Variants in LTBP1 observed in about 807,000 individuals in gnomAD.
LTBP1 encodes the protein latent-transforming growth factor beta-binding protein 1.
LTBP1 carries 129 observed loss-of-function variants against 207.6 expected under a neutral mutation model. The ratio of observed to expected loss-of-function variants is 0.62; its 90% CI spans 0.54 to 0.72. The LOEUF (loss-of-function observed/expected upper bound fraction) is 0.72, where lower values mean the gene tolerates loss of function less well. LTBP1 is among the 30% of genes least tolerant of loss of function. The pLI, the probability that LTBP1 is intolerant of heterozygous loss-of-function variation, is 0.00. For missense variants in LTBP1, 2,281 were observed against 2,217.2 expected, an observed-to-expected ratio of 1.03 and a Z score of -0.58; for synonymous variants, 963 against 833.7, an observed-to-expected ratio of 1.16 and a Z score of -2.67.
chr2:33,180,672 T>C (rs557960153), intron 5 of LTBP1, among the ~76,000 whole-genome samples: 1 of 152,192 alleles, frequency 6.6e-6, no homozygotes, highest in Admixed American at 6.5e-5. Context: ...ACCAGGCTGG[T>C]CTTGAACTCC....
At chr2:33,327,275 A>G (rs1439051821) in intron 24 of LTBP1, among the ~76,000 whole-genome samples, 2 of 152,202 alleles carry the variant, frequency 1.3e-5, no homozygotes, top group Non-Finnish European at 2.9e-5. Flanking sequence ...TCCGTCTTCT[A>G]TCATTTTTTA....
chr2:33,052,631 T>G (rs2076801190), intron 3 of LTBP1, among the ~76,000 whole-genome samples: 1 of 152,210 alleles, frequency 6.6e-6, no homozygotes, highest in Non-Finnish European at 1.5e-5. Flanking sequence ...AAGAAGAAAG[T>G]GTGATCCTAA....
At chr2:33,061,625 G>T (rs143669819) in intron 3 of LTBP1, among the ~76,000 whole-genome samples, 1 of 152,048 alleles carries the variant, frequency 6.6e-6, no homozygotes, top group Non-Finnish European at 1.5e-5. Context: ...TAATACTGTC[G>T]CGTGAATAAG....
chr2:33,293,242 C>T lies in LTBP1; in HGVS notation c.3195C>T (p.His1065=). 6.2e-7 allele frequency: 1 copy of T among 1,614,064 alleles called. No individual in the cohort carries two copies. Among genetic ancestry groups the T allele is most frequent in the African/African-American group, 1.3e-5 (1 of 75,054 alleles). ...NLEGSYMCSC[H]KGYTRTPDHK... ...AAGGCTCCTACATGTGTTCATGCCACAAAGGCTATACCCGGACTCCGGACC... is the reference window on the plus strand; with the variant it reads ...AAGGCTCCTACATGTGTTCATGCCATAAAGGCTATACCCGGACTCCGGACC... Residue 1065 remains histidine, a synonymous_variant, in exon 20 of 34, where the codon CAC becomes CAT. Transcript: ENST00000404816.
At position 33,397,248 on chromosome 2, in the gene LTBP1, G is replaced by A. The variant is rs767996077; in HGVS notation, c.4950G>A (p.Gly1650=). Residue 1650 remains glycine (G), a synonymous_variant, in exon 33 of 34, where the codon GGG becomes GGA. Coordinates refer to ENST00000404816, the MANE Select transcript of LTBP1 (RefSeq NM_206943.4). ...QEGYTCDCFD[G]YHLDTAKMTC... is the part of the protein sequence containing the mutation. ...GTTACACCTGCGATTGCTTTGATGG[G>A]TATCACTTGGATACGGCCAAGATGA... 3.7e-6 allele frequency: 6 copies of A among 1,614,068 alleles called. No individual in the cohort carries two copies. The highest frequency in any genetic ancestry group is 4.2e-6 in the Non-Finnish European group (5 of 1,179,980).
chr2:33,193,982 T>TTTTA (rs1269670789), intron 7 of LTBP1, among the ~76,000 whole-genome samples: 2 of 147,288 alleles, frequency 1.4e-5, no homozygotes, highest in East Asian at 4.0e-4. Context: ...CTTTATTTAT[T>TTTTA]TTTATTTATT....
intron 3 of LTBP1, among the ~76,000 whole-genome samples, chr2:33,098,088 C>T (rs547494689): frequency 8.5e-4 from 129 of 152,264 alleles, no homozygotes; most frequent in Non-Finnish European, 6.0e-4. Flanking sequence ...ACTTCTCCCC[C>T]GACTTTATAT....
intron 31 of LTBP1, among the ~76,000 whole-genome samples, chr2:33,384,243 T>C (rs989631250): frequency 3.9e-5 from 6 of 152,242 alleles, no homozygotes; most frequent in African/African-American, 1.4e-4. Context: ...GCATTTGTCA[T>C]ATGAATCAGC....
At chr2:33,327,537 A>G (rs1016859386) in intron 24 of LTBP1, among the ~76,000 whole-genome samples, 21 of 152,098 alleles carry the variant, frequency 1.4e-4, no homozygotes, top group African/African-American at 4.6e-4. Context: ...AGTAAATTAC[A>G]TATGTTTCTT....
intron 2 of LTBP1, among the ~76,000 whole-genome samples, chr2:32,993,969 A>AGTGAGTGT (rs371128277): frequency 9.4e-5 from 13 of 138,382 alleles, no homozygotes; most frequent in Admixed American, 9.2e-4. Context: ...CAGTTAGGGG[A>AGTGAGTGT]GTGTGTGTGT....
chr2:33,244,320 A>G (rs949054360), intron 10 of LTBP1, among the ~76,000 whole-genome samples: 9 of 152,326 alleles, frequency 5.9e-5, no homozygotes, highest in African/African-American at 2.2e-4. Flanking sequence ...TCCTAATTTC[A>G]GATATTGTCT....
chr2:32,952,969 T>C (rs1439152097), intron 2 of LTBP1, among the ~76,000 whole-genome samples: 2 of 152,222 alleles, frequency 1.3e-5, no homozygotes, highest in African/African-American at 2.4e-5. Context: ...ATGTGCCAGG[T>C]TCTATGAATA....
At chr2:33,150,564 C>T (rs1309664912) in intron 5 of LTBP1, among the ~76,000 whole-genome samples, 1 of 151,796 alleles carries the variant, frequency 6.6e-6, no homozygotes, top group Admixed American at 6.6e-5. Context: ...AAAAATTCCC[C>T]ATTCCTTTCT....
At chr2:33,341,963 T>C (rs1232008389) in intron 24 of LTBP1, among the ~76,000 whole-genome samples, 1 of 152,082 alleles carries the variant, frequency 6.6e-6, no homozygotes, top group Non-Finnish European at 1.5e-5. Flanking sequence ...AACTTGCATG[T>C]GGCATGACTG....
At chr2:33,228,006 T>C (rs762595582) in intron 9 of LTBP1, among the ~76,000 whole-genome samples, 18 of 151,854 alleles carry the variant, frequency 1.2e-4, no homozygotes, top group Non-Finnish European at 2.4e-4. Flanking sequence ...GGGGTTTCAC[T>C]GTGTTGGCCA....
At chr2:33,342,508 A>G (rs1296251507) in intron 24 of LTBP1, among the ~76,000 whole-genome samples, 3 of 152,244 alleles carry the variant, frequency 2.0e-5, no homozygotes, top group Non-Finnish European at 2.9e-5. Flanking sequence ...CTCTGTAGGA[A>G]TATAAGGTCC....
rs796967455 is a variant in LTBP1 at position 33,288,838 on chromosome 2, G to A, written c.3113-4322G>A. Among the ~76,000 whole-genome samples, 87 of 147,714 alleles carry A rather than the reference G, an allele frequency of 5.9e-4. 2 individuals are homozygous for A. The highest frequency in any genetic ancestry group is 2.1e-3 in the African/African-American group (85 of 39,998). Reference sequence around the variant, plus strand: ...CCACTGCACTCCAGCCTGGGTGACAGAGCGAGACTCTGTCTCAAAAAAAAA... The same window carrying A: ...CCACTGCACTCCAGCCTGGGTGACAAAGCGAGACTCTGTCTCAAAAAAAAA... On this transcript the variant is annotated intron_variant, in intron 19 of 33. Coordinates refer to ENST00000404816, the MANE Select transcript of LTBP1 (RefSeq NM_206943.4).
chr2:33,152,562 C>T (rs550911636), intron 5 of LTBP1, among the ~76,000 whole-genome samples: 1 of 152,298 alleles, frequency 6.6e-6, no homozygotes, highest in East Asian at 1.9e-4. Flanking sequence ...AATCCCACTA[C>T]TGGGTATCAA....
At chr2:33,267,005 G>A (rs569778215) in intron 15 of LTBP1, among the ~76,000 whole-genome samples, 308 of 152,360 alleles carry the variant, frequency 2.0e-3, no homozygotes, top group Non-Finnish European at 3.2e-3. Flanking sequence ...GGCTGTAACA[G>A]CCTCTTTGGT....
Sources: gnomAD v4.1 joint callset for allele counts (sites outside exome capture counted in the v4.1 genomes callset) on GRCh38, gnomAD v4.1.1 for gene constraint, MANE v1.5 for transcripts, NCBI Gene and HGNC (gene_info 2026-07-23, HGNC 2026-07-21) for gene names.